ZNF365: variants seen among roughly 807,000 people sequenced by gnomAD.
ZNF365 encodes the protein zinc finger protein 365.
A neutral mutation model predicts 35.0 loss-of-function variants in ZNF365; 22 were observed. The ratio of observed to expected loss-of-function variants is 0.63; its 90% CI spans 0.45 to 0.90. ZNF365 has a LOEUF of 0.90. Among genes scored for constraint, ZNF365 ranks in the 40% least tolerant of loss-of-function variants. The pLI is 0.00. For missense variants in ZNF365, 448 were observed against 500.3 expected (o/e 0.90, Z 1.00); for synonymous variants, 188 against 196.2 (o/e 0.96, Z 0.35).
intron 4 of ZNF365, among the ~76,000 whole-genome samples, chr10:62,477,391 C>A (rs1302269068): frequency 6.6e-6 from 1 of 152,114 alleles, no homozygotes; most frequent in Non-Finnish European, 1.5e-5. Context: ...AAACTACATG[C>A]TAGATAAGAA....
intron 4 of ZNF365, among the ~76,000 whole-genome samples, chr10:62,466,852 A>G (rs1315967915): frequency 6.6e-6 from 1 of 152,008 alleles, no homozygotes; most frequent in Non-Finnish European, 1.5e-5. Flanking sequence ...CCCAGGCTGG[A>G]GTATAGTGGT....
Position 62,376,849 on chromosome 10 carries a change from A to G in ZNF365, c.656A>G (p.Asn219Ser). ...GTTCAGAGACGAGAGCGGGCCTTAA[A>G]CAGACAGGTGGACGTGGCCGTGGAA... ...QEVQRRERAL[N>S]RQVDVAVEMI... Residue 219 changes from asparagine (N) to serine (S), a missense_variant, in exon 2 of 5, where the codon AAC becomes AGC. Coordinates refer to ENST00000395254, the MANE Select transcript of ZNF365 (RefSeq NM_014951.3). 1.9e-6 allele frequency: 3 copies of G among 1,614,176 alleles called. No homozygotes were observed. The highest frequency in any genetic ancestry group is 1.1e-5 in the South Asian group (1 of 91,086).
At chr10:62,397,017 G>C (rs1049991235) in intron 3 of ZNF365, among the ~76,000 whole-genome samples, 3 of 152,264 alleles carry the variant, frequency 2.0e-5, no homozygotes, top group Admixed American at 6.5e-5. Context: ...TGGTGGGGTA[G>C]AGAAAGTTGA....
intron 3 of ZNF365, among the ~76,000 whole-genome samples, chr10:62,448,218 C>T (rs1162766868): frequency 1.3e-5 from 2 of 152,174 alleles, no homozygotes; most frequent in Admixed American, 1.3e-4. Context: ...ATAAAAATTA[C>T]ATACAATGAA....
rs1316242267 is a variant in ZNF365 at position 62,436,035 on chromosome 10, GT to G, written c.925-23698del. Among the ~76,000 whole-genome samples, 6 of 151,812 alleles carry G rather than the reference GT, an allele frequency of 4.0e-5. No individual in the cohort carries two copies. In the South Asian group the frequency reaches 1.0e-3, roughly 26 times the overall value. ...AAAATTTTTACTTCATGGGTATTTG[GT>G]TTTTTTTGTAATACCGTAATACTTT... On this transcript the variant is annotated intron_variant, in intron 3 of 4. Coordinates refer to the ZNF365 transcript ENST00000395255.
In ZNF365 at chr10:62,439,559, G is replaced by A. The variant is rs528517446; in HGVS notation, c.925-20182G>A. ...ATAACAAAGATGGGAAAGCATATGT[G>A]CAAGCCCTCTAATAGCTGTGGCTCT... On this transcript the variant is annotated intron_variant, in intron 3 of 4. Coordinates refer to the ZNF365 transcript ENST00000395255. Among the ~76,000 whole-genome samples the A allele has an allele frequency of 2.6e-5, 4 of 152,284 alleles. 1 individual carries two copies. The South Asian group carries it at 8.3e-4, about 32-fold the overall frequency.
In ZNF365 at chr10:62,400,504, A is replaced by G. The variant is rs958869695; in HGVS notation, c.*715A>G. 3.2e-5 allele frequency: 32 copies of G among 985,792 alleles called. No homozygotes were observed. Among genetic ancestry groups the G allele is most frequent in the Non-Finnish European group, 3.7e-5 (31 of 829,940 alleles). The allele number at this position is 985,792 out of a possible 1,614,324, so 61.1% of individuals were successfully genotyped here. The stretch of plus-strand genomic sequence containing the variant: ...TTGGCTGAGTATTCTGCACCCACAG[A>G]CCATGCTGCCAGCCTCTATCTTAAT... On this transcript the variant is annotated 3_prime_UTR_variant, in exon 5 of 5. Transcript: ENST00000395254.
intron 4 of ZNF365, among the ~76,000 whole-genome samples, chr10:62,460,858 G>A (rs962737384): frequency 4.6e-5 from 7 of 152,152 alleles, no homozygotes; most frequent in African/African-American, 1.7e-4. Context: ...AAACTCAGAT[G>A]CCCATAGGAG....
intron 3 of ZNF365, among the ~76,000 whole-genome samples, chr10:62,445,668 AG>A (rs1840575145): frequency 6.6e-6 from 1 of 152,316 alleles, no homozygotes; most frequent in African/African-American, 2.4e-5. Flanking sequence ...TGTGCAAGTT[AG>A]GTGCTGGATA....
chr10:62,409,253 T>C (rs1019584616), intron 3 of ZNF365, among the ~76,000 whole-genome samples: 2 of 152,154 alleles, frequency 1.3e-5, no homozygotes, highest in African/African-American at 4.8e-5. Flanking sequence ...GCCTGAGGTA[T>C]TGGCAATGAC....
chr10:62,395,577 G>A (rs1024589293), intron 3 of ZNF365, among the ~76,000 whole-genome samples: 5 of 143,320 alleles, frequency 3.5e-5, no homozygotes, highest in South Asian at 2.2e-4. Flanking sequence ...GGCTGGTCTC[G>A]AACTCCTGAC....
In ZNF365 at chr10:62,399,711, C is replaced by G; in HGVS notation, c.1146C>G (p.Leu382=). 3 of 1,614,116 alleles carry G rather than the reference C, an allele frequency of 1.9e-6. No individual in the cohort carries two copies. Among genetic ancestry groups the G allele is most frequent in the Admixed American group, 3.3e-5 (2 of 60,006 alleles). ...GCAGACCTCCAAAGAAAGGGGAGCT[C>G]CTGGGGTTTGGCCGCAAAGGCAACA... ...DLCRPPKKGE[L]LGFGRKGNIR... is the part of the protein sequence containing the mutation. Residue 382 remains leucine (L), a synonymous_variant, in exon 5 of 5, where the codon CTC becomes CTG. Coordinates refer to ENST00000395254, the MANE Select transcript of ZNF365 (RefSeq NM_014951.3).
At chr10:62,476,871 C>T (rs1841140797) in intron 4 of ZNF365, among the ~76,000 whole-genome samples, 1 of 152,184 alleles carries the variant, frequency 6.6e-6, no homozygotes. Flanking sequence ...TACACTGGAA[C>T]CCATTCATGT....
At chr10:62,436,439 T>C (rs1840408941) in intron 3 of ZNF365, among the ~76,000 whole-genome samples, 1 of 152,140 alleles carries the variant, frequency 6.6e-6, no homozygotes, top group African/African-American at 2.4e-5. Context: ...TAAATAACAA[T>C]TGAGATTTAG....
Position 62,399,648 on chromosome 10 carries a change from G to A in ZNF365, c.1083G>A (p.Lys361=). 1.2e-6 allele frequency: 2 copies of A among 1,614,112 alleles called. No homozygotes were observed. Among genetic ancestry groups the A allele is most frequent in the East Asian group, 2.2e-5 (1 of 44,876 alleles). The change falls in exon 5 of 5, where the codon AAG becomes AAA. Residue 361 remains lysine, a synonymous_variant. Coordinates refer to ENST00000395254, the MANE Select transcript of ZNF365 (RefSeq NM_014951.3). ...KDDRASMQPA[K]AIHEQAESSR... is the part of the protein sequence containing the mutation. Reference sequence around the variant, plus strand: ...ACAGAGCCAGCATGCAGCCTGCCAAGGCCATTCACGAACAGGCTGAGTCCT... The same window carrying A: ...ACAGAGCCAGCATGCAGCCTGCCAAAGCCATTCACGAACAGGCTGAGTCCT...
At chr10:62,461,148 A>T (rs1299463960) in intron 4 of ZNF365, among the ~76,000 whole-genome samples, 1 of 152,180 alleles carries the variant, frequency 6.6e-6, no homozygotes, top group Non-Finnish European at 1.5e-5. Context: ...TCTAGGGCTG[A>T]TCCTCCCAGA....
In ZNF365 at chr10:62,400,559, G is replaced by A. The variant is rs958529151; in HGVS notation, c.*770G>A. 2.0e-6 allele frequency: 2 copies of A among 985,880 alleles called. No individual in the cohort carries two copies. The highest frequency in any genetic ancestry group is 5.2e-4 in the Middle Eastern group (1 of 1,936). The allele number at this position is 985,880 out of a possible 1,614,324, so 61.1% of individuals were successfully genotyped here. On this transcript the variant is annotated 3_prime_UTR_variant, in exon 5 of 5. Transcript: ENST00000395254. ...GCTTCTGTGGATATGGCTGGGGAGC[G>A]AAGTAAAATCCTCTTTTGATTAGCA...
chr10:62,411,091 G>C (rs1327795752), intron 3 of ZNF365, among the ~76,000 whole-genome samples: 1 of 152,144 alleles, frequency 6.6e-6, no homozygotes, highest in African/African-American at 2.4e-5. Flanking sequence ...AGAAGTGTCT[G>C]TTCATGCCCT....
downstream of ZNF365, among the ~76,000 whole-genome samples, chr10:62,404,754 A>G (rs1839880293): frequency 6.6e-6 from 1 of 152,198 alleles, no homozygotes; most frequent in African/African-American, 2.4e-5. Context: ...AAATACTTGT[A>G]GTCTTGGGAT....
Sources: gnomAD v4.1 joint callset for allele counts (sites outside exome capture counted in the v4.1 genomes callset) on GRCh38, gnomAD v4.1.1 for gene constraint, MANE v1.5 for transcripts, NCBI Gene and HGNC (gene_info 2026-07-23, HGNC 2026-07-21) for gene names.